MYO5B: variants seen among roughly 807,000 people sequenced by gnomAD.
The protein encoded by MYO5B is myosin VB, also known as unconventional myosin-Vb.
Under a neutral mutation model 229.3 loss-of-function variants are expected in MYO5B, and 143 were observed. The ratio of observed to expected loss-of-function variants is 0.62; its 90% CI spans 0.54 to 0.72. MYO5B has a LOEUF of 0.72. Ranked by LOEUF, MYO5B falls within the 30% of genes least tolerant of loss-of-function variation. The pLI is 0.00. For synonymous variants in MYO5B, 918 were observed against 885.2 expected (o/e 1.04, Z -0.66); for missense variants, 2,321 against 2,331.0 (o/e 1.00, Z 0.09).
intron 17 of MYO5B, among the ~76,000 whole-genome samples, chr18:49,923,696 G>A (rs967628672): frequency 6.6e-5 from 10 of 152,122 alleles, no homozygotes; most frequent in African/African-American, 2.4e-4. Context: ...CCTCCCTAAC[G>A]TTCTCCAAGG....
At chr18:49,866,065 A>T (rs191216983) in intron 27 of MYO5B, among the ~76,000 whole-genome samples, 1 of 152,158 alleles carries the variant, frequency 6.6e-6, no homozygotes. Flanking sequence ...AAAATTAGCC[A>T]TCTAACCTAT....
At chr18:50,100,290 C>A (rs2031630548) in intron 1 of MYO5B, among the ~76,000 whole-genome samples, 1 of 152,182 alleles carries the variant, frequency 6.6e-6, no homozygotes, top group Non-Finnish European at 1.5e-5. Context: ...TTGTTTCCTC[C>A]TGAGCTGTCA....
chr18:49,839,193 G>T lies in MYO5B; in HGVS notation c.4803C>A (p.Ile1601=). Residue 1601 remains isoleucine, a synonymous_variant, in exon 36 of 40, where the codon ATC becomes ATA. Transcript: ENST00000285039. ...RQVLSDLSIQ[I]YQQLIKIAEG... is the part of the protein sequence containing the mutation. ...CGGCAATTTTAATGAGCTGCTGGTA[G>T]ATCTGAATGGAAAGGTCACTCAGCA... The T allele has an allele frequency of 3.1e-6, 5 of 1,614,182 alleles. No individual in the cohort carries two copies. Among genetic ancestry groups the T allele is most frequent in the South Asian group, 1.1e-5 (1 of 91,086 alleles).
intron 1 of MYO5B, among the ~76,000 whole-genome samples, chr18:50,170,221 G>A (rs935283004): frequency 7.8e-6 from 1 of 127,426 alleles, no homozygotes; most frequent in Non-Finnish European, 1.7e-5. Context: ...AGGCTTGGCC[G>A]GAAGCATCAG....
chr18:49,836,686 T>G, intron 38 of MYO5B, 25 bp downstream of exon 38: 1 of 1,613,684 alleles, frequency 6.2e-7, no homozygotes, highest in Non-Finnish European at 8.5e-7. Context: ...AATACCATGT[T>G]GACAGAGGTG....
intron 1 of MYO5B, among the ~76,000 whole-genome samples, chr18:50,152,147 C>A (rs1469761409): frequency 6.6e-6 from 1 of 152,182 alleles, no homozygotes; most frequent in Admixed American, 6.5e-5. Context: ...GATTCACAGG[C>A]CTTCGTGAAA....
At chr18:50,169,519 A>G (rs1403288519) in intron 1 of MYO5B, among the ~76,000 whole-genome samples, 1 of 126,848 alleles carries the variant, frequency 7.9e-6, no homozygotes, top group African/African-American at 3.0e-5. Flanking sequence ...AGAAAAAGAC[A>G]TGGCCCAAGT....
chr18:50,156,108 AC>A (rs1408686537), intron 1 of MYO5B, among the ~76,000 whole-genome samples: 1 of 152,204 alleles, frequency 6.6e-6, no homozygotes, highest in African/African-American at 2.4e-5. Context: ...AACCCAACTA[AC>A]CAGGACCAGG....
intron 32 of MYO5B, among the ~76,000 whole-genome samples, chr18:49,848,891 A>G (rs570345173): frequency 2.0e-5 from 3 of 152,132 alleles, no homozygotes; most frequent in African/African-American, 7.2e-5. Flanking sequence ...AAACAGGTAA[A>G]ATGACAACTG....
At chr18:50,144,298 G>A (rs1030185996) in intron 1 of MYO5B, among the ~76,000 whole-genome samples, 34 of 152,130 alleles carry the variant, frequency 2.2e-4, no homozygotes, top group African/African-American at 7.2e-4. Context: ...GACGCATAAA[G>A]ACCTACCTCA....
At chr18:49,857,491 T>G (rs1314794362) in intron 29 of MYO5B, among the ~76,000 whole-genome samples, 1 of 152,182 alleles carries the variant, frequency 6.6e-6, no homozygotes, top group East Asian at 1.9e-4. Context: ...CAGATCTTTC[T>G]GGGACTCCTT....
chr18:50,167,018 A>G (rs112128005), intron 1 of MYO5B, among the ~76,000 whole-genome samples: 1,587 of 152,330 alleles, frequency 0.01, 29 homozygotes, highest in African/African-American at 0.036. Flanking sequence ...GTCTTTAAAG[A>G]GAGACTCCCC....
intron 1 of MYO5B, among the ~76,000 whole-genome samples, chr18:50,079,799 C>T (rs1308851402): frequency 6.6e-6 from 1 of 152,094 alleles, no homozygotes; most frequent in African/African-American, 2.4e-5. Flanking sequence ...CCCTGGGCAA[C>T]AGCCCAGCTG....
At position 49,950,274 on chromosome 18, in the gene MYO5B, C is replaced by T. The variant is rs191933582; in HGVS notation, c.1752+2986G>A. 4.8e-3 allele frequency among the ~76,000 whole-genome samples: 729 copies of T among 152,240 alleles called. 1 individual carries two copies. Among genetic ancestry groups the T allele is most frequent in the Middle Eastern group, 0.017 (5 of 294 alleles). On this transcript the variant is annotated intron_variant, in intron 14 of 39. Coordinates refer to ENST00000285039, the MANE Select transcript of MYO5B (RefSeq NM_001080467.3). ...GTCACTGGCTCTTTAGACGTTTTAG[C>T]TGGTGAGGGGGAAAGCTAGCATTGT...
At chr18:50,078,081 G>A (rs2031130497) in intron 1 of MYO5B, among the ~76,000 whole-genome samples, 1 of 152,214 alleles carries the variant, frequency 6.6e-6, no homozygotes, top group Non-Finnish European at 1.5e-5. Flanking sequence ...GGGAAAGCGG[G>A]AATATTCCCT....
chr18:50,059,165 A>T (rs910791553), intron 1 of MYO5B, among the ~76,000 whole-genome samples: 5 of 152,208 alleles, frequency 3.3e-5, no homozygotes, highest in African/African-American at 1.2e-4. Context: ...CCTGGCACGG[A>T]ACAGATGCTC....
At chr18:49,891,116 C>T (rs1787553) in intron 22 of MYO5B, among the ~76,000 whole-genome samples, 88,239 of 151,900 alleles carry the variant, frequency 0.58, 25,786 homozygotes, top group Middle Eastern at 0.66. Context: ...CTGTTTGCCT[C>T]CTCACTTACT....
intron 4 of MYO5B, among the ~76,000 whole-genome samples, chr18:50,021,524 A>C (rs2026274471): frequency 6.6e-6 from 1 of 152,144 alleles, no homozygotes; most frequent in Non-Finnish European, 1.5e-5. Flanking sequence ...GAGAGAGAAA[A>C]GAGGTCTGAA....
chr18:49,851,866 C>T (rs947245688), intron 31 of MYO5B, among the ~76,000 whole-genome samples: 8 of 152,206 alleles, frequency 5.3e-5, no homozygotes, highest in African/African-American at 1.4e-4. Context: ...GGTGAATATA[C>T]ATCACCAACA....
Sources: allele counts gnomAD v4.1 joint callset (sites outside exome capture counted in the v4.1 genomes callset), GRCh38; gene constraint gnomAD v4.1.1; transcripts MANE v1.5; gene names NCBI Gene and HGNC (gene_info 2026-07-23, HGNC 2026-07-21).